RIPOR1: variants seen among roughly 807,000 people sequenced by gnomAD.
RIPOR1 encodes the protein rho family-interacting cell polarization regulator 1.
RIPOR1 carries 58 observed loss-of-function variants against 116.5 expected under a neutral mutation model. The ratio of observed to expected loss-of-function variants is 0.50; its 90% CI spans 0.40 to 0.62. The LOEUF is 0.62. RIPOR1 is among the 20% of genes least tolerant of loss of function. RIPOR1 has a pLI of 0.00. For synonymous variants in RIPOR1, 605 were observed against 650.0 expected (o/e 0.93, Z 1.05); for missense variants, 1,372 against 1,586.2 (o/e 0.86, Z 2.29).
Position 67,542,073 on chromosome 16 carries a change from G to A in RIPOR1, c.1287G>A (p.Glu429=). 1 of 1,606,258 alleles carries A rather than the reference G, an allele frequency of 6.2e-7. No individual in the cohort carries two copies. The highest frequency in any genetic ancestry group is 1.1e-5 in the South Asian group (1 of 90,836). Residue 429 remains glutamate (E), a synonymous_variant, in exon 13 of 22, where the codon GAG becomes GAA. Coordinates refer to ENST00000042381, the MANE Select transcript of RIPOR1 (RefSeq NM_024519.4). The surrounding 1 kb of genome is among the most constrained non-coding windows in gnomAD (Gnocchi z 4.6). ...PETPSSGPLD[E]EGAVAPVLAN... is the part of the protein sequence containing the mutation. ...CCCCCAGCTCTGGGCCCTTGGATGA[G>A]GAGGGGGCCGTGGCCCCAGTCCTGG...
upstream of RIPOR1, among the ~76,000 whole-genome samples, chr16:67,526,901 G>C (rs2050544231): frequency 6.6e-6 from 1 of 152,208 alleles, no homozygotes; most frequent in African/African-American, 2.4e-5. Flanking sequence ...GTGGATGCCT[G>C]GGTAGACAGT....
intron 1 of RIPOR1, among the ~76,000 whole-genome samples, chr16:67,533,912 A>G (rs1455461468): frequency 6.9e-6 from 1 of 145,894 alleles, no homozygotes; most frequent in Non-Finnish European, 1.5e-5. Context: ...GGTTCAAGCG[A>G]TTCTCCTGCC....
At position 67,540,753 on chromosome 16, in the gene RIPOR1, T is replaced by G; in HGVS notation, c.801+49T>G. 9 of 1,533,872 alleles carry G rather than the reference T, an allele frequency of 5.9e-6. No individual in the cohort carries two copies. The highest frequency in any genetic ancestry group is 7.9e-6 in the Non-Finnish European group (9 of 1,138,316). ...AGGCCACCATGGCCCTGTGAACCCC[T>G]TGTGACCCCCATTACCCTGAGTCCC... On this transcript the variant is annotated intron_variant, in intron 10 of 21. Coordinates refer to ENST00000042381, the MANE Select transcript of RIPOR1 (RefSeq NM_024519.4). This position sits in a 1 kb window ranked among gnomAD's most constrained non-coding sequence, Gnocchi z 4.7.
In RIPOR1 at chr16:67,545,393, G is replaced by A; in HGVS notation, c.3049G>A (p.Glu1017Lys). 1 of 1,613,984 alleles carries A rather than the reference G, an allele frequency of 6.2e-7. No homozygotes were observed. Among genetic ancestry groups the A allele is most frequent in the Non-Finnish European group, 8.5e-7 (1 of 1,179,988 alleles). ...LAEAVCVKFL[E>K]DALGQKLPRR... ...TCCTGCAGTGTGTGTGAAGTTCCTG[G>A]AGGATGCCCTGGGGCAGAAGCTGCC... Residue 1017 changes from glutamate (E) to lysine (K), a missense_variant, in exon 18 of 22, where the codon GAG (glutamate) becomes AAG (lysine). Around this residue, in one of 3 missense-constraint regions of RIPOR1, gnomAD observed 1,005 missense variants for 1,144.7 expected, o/e 0.88. Coordinates refer to ENST00000042381, the MANE Select transcript of RIPOR1 (RefSeq NM_024519.4). This position sits in a 1 kb window ranked among gnomAD's most constrained non-coding sequence, Gnocchi z 4.8.
chr16:67,519,277 T>G (rs1350172720), intron 1 of RIPOR1, among the ~76,000 whole-genome samples: 1 of 133,320 alleles, frequency 7.5e-6, no homozygotes, highest in Admixed American at 7.0e-5. Context: ...AAGACTCTGT[T>G]TCAAAAAAAA....
intron 1 of RIPOR1, among the ~76,000 whole-genome samples, chr16:67,520,062 CAAAAAAAAAAA>C (rs796368368): frequency 0.22 from 10,277 of 46,328 alleles, 1,525 homozygotes; most frequent in African/African-American, 0.46. Context: ...AACTCCGTCT[CAAAAAAAAAAA>C]AAAAAAAAAA....
chr16:67,539,440 G>A (rs2050905114), intron 4 of RIPOR1: 1 of 551,076 alleles, frequency 1.8e-6, no homozygotes, highest in African/African-American at 1.9e-5. Context: ...TTCCCCTGCA[G>A]AGGGAACCTT....
In RIPOR1 at chr16:67,544,672, A is replaced by G; in HGVS notation, c.2734-23A>G. ...CGAGCCCTACCCTGAGGCCTGAGCTACTTGGCCACCCATGTTCTCCAGAAA... is the reference window on the plus strand; with the variant it reads ...CGAGCCCTACCCTGAGGCCTGAGCTGCTTGGCCACCCATGTTCTCCAGAAA... On this transcript the variant is annotated intron_variant, in intron 15 of 21. Coordinates refer to ENST00000042381, the MANE Select transcript of RIPOR1 (RefSeq NM_024519.4). This position sits in a 1 kb window ranked among gnomAD's most constrained non-coding sequence, Gnocchi z 5.1. 6.2e-7 allele frequency: 1 copy of G among 1,611,628 alleles called. No homozygotes were observed. Among genetic ancestry groups the G allele is most frequent in the East Asian group, 2.2e-5 (1 of 44,882 alleles).
chr16:67,533,755 G>A (rs867302382), intron 1 of RIPOR1, among the ~76,000 whole-genome samples: 3 of 151,506 alleles, frequency 2.0e-5, no homozygotes, highest in African/African-American at 4.9e-5. Flanking sequence ...GGAGAAAGAT[G>A]GAGTAAGAAA....
Position 67,529,365 on chromosome 16 carries a change from C to T in RIPOR1, c.-24+451C>T, listed in dbSNP as rs779530815. On this transcript the variant is annotated intron_variant, in intron 1 of 21. Transcript: ENST00000042381. The surrounding 1 kb of genome is among the most constrained non-coding windows in gnomAD (Gnocchi z 4.1). ...AGGAGCTGAGCTAATCCTCCTAGCTCTAGGGGCCGGCCTAAGCGGCTTTGT... is the reference window on the plus strand; with the variant it reads ...AGGAGCTGAGCTAATCCTCCTAGCTTTAGGGGCCGGCCTAAGCGGCTTTGT... The T allele has an allele frequency of 1.8e-5, 3 of 169,202 alleles. No homozygotes were observed. Among genetic ancestry groups the T allele is most frequent in the Non-Finnish European group, 3.8e-5 (3 of 78,752 alleles). 10.5% of individuals were successfully genotyped at this position (169,202 alleles called of 1,614,324 possible).
intron 4 of RIPOR1, 72 bp from the exon 5 acceptor site, chr16:67,539,655 AC>A (rs1422801425): frequency 2.3e-5 from 36 of 1,562,258 alleles, no homozygotes; most frequent in Non-Finnish European, 3.0e-5. Flanking sequence ...GGGAGCTGTG[AC>A]GAGTCTGAGT....
chr16:67,539,662 T>C, intron 4 of RIPOR1, 66 bp from the exon 5 acceptor site: 1 of 1,589,024 alleles, frequency 6.3e-7, no homozygotes, highest in Non-Finnish European at 8.6e-7. Flanking sequence ...GTGACGAGTC[T>C]GAGTGCCTCT....
Position 67,542,166 on chromosome 16 carries a change from G to A in RIPOR1, c.1380G>A (p.Leu460=). The A allele has an allele frequency of 6.2e-7, 1 of 1,613,326 alleles. No homozygotes were observed. ...HISEASVDAA[L]AEASVEAVGP... is the part of the protein sequence containing the mutation. The stretch of plus-strand genomic sequence containing the variant: ...GTGAGGCTAGTGTAGATGCTGCCTT[G>A]GCTGAGGCTTCAGTGGAGGCCGTTG... The change falls in exon 13 of 22, where the codon TTG becomes TTA. Residue 460 remains leucine, a synonymous_variant. Coordinates refer to ENST00000042381, the MANE Select transcript of RIPOR1 (RefSeq NM_024519.4). This position sits in a 1 kb window ranked among gnomAD's most constrained non-coding sequence, Gnocchi z 4.6.
rs776074746 is a variant in RIPOR1, at chr16:67,540,622, G to A, written c.719G>A (p.Arg240Gln). 13 of 1,613,764 alleles carry A rather than the reference G, an allele frequency of 8.1e-6. No individual in the cohort carries two copies. The highest frequency in any genetic ancestry group is 1.7e-5 in the Admixed American group (1 of 59,958). Reference sequence around the variant, plus strand: ...CGTCAGCGCTGGAAACTACGGGGCCGAATTGAGGGTAGTGGAAAGCAGGTG... The same window carrying A: ...CGTCAGCGCTGGAAACTACGGGGCCAAATTGAGGGTAGTGGAAAGCAGGTG... ...YGRQRWKLRG[R>Q]IEGSGKQVWD... is the part of the protein sequence containing the mutation. Residue 240 changes from arginine to glutamine, a missense_variant, in exon 10 of 22, where the codon CGA becomes CAA. By Grantham distance (43) the Arg-to-Gln change is conservative. Transcript: ENST00000042381. This position sits in a 1 kb window ranked among gnomAD's most constrained non-coding sequence, Gnocchi z 4.7.
In RIPOR1 at chr16:67,545,216, C is replaced by T. The variant is rs957956827; in HGVS notation, c.3031+99C>T. ...CCCACACAGATAAACGAACTGGGCA[C>T]CGAGGAGACCAGCAAAGACTTGGGC... On this transcript the variant is annotated intron_variant, in intron 17 of 21. Coordinates refer to ENST00000042381, the MANE Select transcript of RIPOR1 (RefSeq NM_024519.4). This position sits in a 1 kb window ranked among gnomAD's most constrained non-coding sequence, Gnocchi z 4.8. The T allele has an allele frequency of 1.6e-5, 25 of 1,541,730 alleles. No homozygotes were observed. In the Admixed American group the frequency reaches 4.2e-4, roughly 26 times the overall value.
At position 67,519,279 on chromosome 16, in the gene RIPOR1, C is replaced by CAAA. The variant is rs56349474; in HGVS notation, c.-24+680_-24+682dup. On this transcript the variant is annotated intron_variant, in intron 1 of 1. Transcript: ENST00000562116. ...TGGGCAACAGAGAAAGACTCTGTTT[C>CAAA]AAAAAAAAAAAAAAAACACTTCAGG... 1.1e-3 allele frequency among the ~76,000 whole-genome samples: 100 copies of CAAA among 89,902 alleles called. 1 individual carries two copies. Among genetic ancestry groups the CAAA allele is most frequent in the African/African-American group, 2.6e-3 (82 of 31,384 alleles). 59.0% of individuals were successfully genotyped at this position (89,902 alleles called of 152,430 possible).
chr16:67,537,495 G>C lies in RIPOR1; in HGVS notation c.-23-929G>C. 7.9e-7 allele frequency: 1 copy of C among 1,267,866 alleles called. No homozygotes were observed. The highest frequency in any genetic ancestry group is 9.9e-7 in the Non-Finnish European group (1 of 1,005,344). The allele number at this position is 1,267,866 out of a possible 1,614,324, so 78.5% of individuals were successfully genotyped here. A position where few individuals can be genotyped will look rare whatever the true frequency, so the allele number is the denominator to read the frequency against. On this transcript the variant is annotated intron_variant, in intron 1 of 21. Coordinates refer to ENST00000042381, the MANE Select transcript of RIPOR1 (RefSeq NM_024519.4). The surrounding 1 kb of genome is among the most constrained non-coding windows in gnomAD (Gnocchi z 4.6). ...GCCAGAGCCGCTGGGAGCGAGCCCGGAGCCCAGCCGGGCGGCTCGAAGTGG... is the reference window on the plus strand; with the variant it reads ...GCCAGAGCCGCTGGGAGCGAGCCCGCAGCCCAGCCGGGCGGCTCGAAGTGG...
Position 67,544,838 on chromosome 16 carries a change from C to A in RIPOR1, c.2869+8C>A. 6.3e-7 allele frequency: 1 copy of A among 1,590,882 alleles called. No homozygotes were observed. The highest frequency in any genetic ancestry group is 8.6e-7 in the Non-Finnish European group (1 of 1,164,468). On this transcript the variant is annotated splice_region_variant and intron_variant, in intron 16 of 21. Transcript: ENST00000042381. The surrounding 1 kb of genome is among the most constrained non-coding windows in gnomAD (Gnocchi z 5.1). ...CCAGCTCTGCCCAGGAAGGTAAAGG[C>A]CCTGGGGGTTCGGGCTCTGCCATCT... is the stretch of plus-strand genomic sequence containing the variant.
At chr16:67,546,303 G>A (rs564978340) in intron 21 of RIPOR1, 63 bp from the exon 22 acceptor site, 16 of 1,606,476 alleles carry the variant, frequency 1.0e-5, no homozygotes, top group South Asian at 5.5e-5. Flanking sequence ...GAGAGATGGC[G>A]CCAGGGGTGG....
Sources: allele counts gnomAD v4.1 joint callset (sites outside exome capture counted in the v4.1 genomes callset), GRCh38; gene constraint gnomAD v4.1.1; regional missense constraint gnomAD v4.1.1; non-coding constraint Gnocchi (gnomAD v3.1); transcripts MANE v1.5; gene names NCBI Gene and HGNC (gene_info 2026-07-23, HGNC 2026-07-21).